Variants in TRAPPC11 observed in about 807,000 individuals in gnomAD.
TRAPPC11 encodes the protein trafficking protein particle complex subunit 11.
In TRAPPC11, 104 loss-of-function variants were observed where a neutral mutation model predicts 151.2. The observed-to-expected ratio is 0.69, with a 90% CI of 0.59 to 0.81. The LOEUF (loss-of-function observed/expected upper bound fraction) is 0.81. Ranked by LOEUF, TRAPPC11 falls within the 30% of genes least tolerant of loss-of-function variation. The pLI is 0.00. For missense variants in TRAPPC11, 1,230 were observed against 1,349.6 expected, an observed-to-expected ratio of 0.91 and a Z score of 1.39; for synonymous variants, 456 against 472.3, an observed-to-expected ratio of 0.97 and a Z score of 0.45.
At chr4:183,667,596 A>T (rs1385751528) in intron 4 of TRAPPC11, among the ~76,000 whole-genome samples, 1 of 152,218 alleles carries the variant, frequency 6.6e-6, no homozygotes, top group African/African-American at 2.4e-5. Context: ...TCTTAGTTTC[A>T]GATTCTTATT....
chr4:183,660,496 C>T (rs538438117), intron 1 of TRAPPC11, among the ~76,000 whole-genome samples: 175 of 152,230 alleles, frequency 1.1e-3, no homozygotes, highest in African/African-American at 4.1e-3. Flanking sequence ...ATTCCATCCA[C>T]GTTTTACTTT....
chr4:183,669,889 C>G (rs1014460652), intron 5 of TRAPPC11, among the ~76,000 whole-genome samples: 2 of 152,202 alleles, frequency 1.3e-5, no homozygotes, highest in Non-Finnish European at 1.5e-5. Context: ...CCCTTAACCA[C>G]TTGTAGTTTT....
At chr4:183,710,730 T>C (rs1460874751) in intron 29 of TRAPPC11, among the ~76,000 whole-genome samples, 1 of 151,818 alleles carries the variant, frequency 6.6e-6, no homozygotes, top group African/African-American at 2.4e-5. Context: ...AGGGAAAATT[T>C]ATAATTAAAA....
At chr4:183,688,845 A>C (rs1429556594) in intron 18 of TRAPPC11, among the ~76,000 whole-genome samples, 2 of 152,200 alleles carry the variant, frequency 1.3e-5, no homozygotes, top group East Asian at 1.9e-4. Flanking sequence ...TCCCAGGCTC[A>C]AGTGATCCTC....
At chr4:183,710,712 T>G (rs961281914) in intron 29 of TRAPPC11, among the ~76,000 whole-genome samples, 1 of 151,842 alleles carries the variant, frequency 6.6e-6, no homozygotes, top group Non-Finnish European at 1.5e-5. Flanking sequence ...GCCAGCTCTT[T>G]AATCAGTAGG....
chr4:183,685,440 A>ATAAGACAAT, intron 17 of TRAPPC11, 37 bp downstream of exon 17: 1 of 1,587,164 alleles, frequency 6.3e-7, no homozygotes, highest in Non-Finnish European at 8.6e-7. Context: ...TTTCAGAGAA[A>ATAAGACAAT]TTGTCTTATT....
intron 6 of TRAPPC11, 116 bp downstream of exon 6, chr4:183,674,928 GT>G (rs1342635142): frequency 3.0e-6 from 2 of 659,736 alleles, no homozygotes; most frequent in African/African-American, 1.9e-5. Flanking sequence ...CATTTCTAAA[GT>G]TTTTTTCAAT....
chr4:183,696,868 CA>C (rs1047043909), intron 23 of TRAPPC11, among the ~76,000 whole-genome samples: 1 of 152,104 alleles, frequency 6.6e-6, no homozygotes, highest in African/African-American at 2.4e-5. Flanking sequence ...TGTCACATTA[CA>C]TTATTATTAT....
At chr4:183,683,367 T>C (rs1303488302) in intron 11 of TRAPPC11, among the ~76,000 whole-genome samples, 1 of 152,144 alleles carries the variant, frequency 6.6e-6, no homozygotes, top group East Asian at 1.9e-4. Context: ...GAACTATAAC[T>C]GTTAAATTAC....
intron 26 of TRAPPC11, among the ~76,000 whole-genome samples, chr4:183,703,375 T>C (rs886416528): frequency 2.6e-5 from 4 of 152,250 alleles, no homozygotes; most frequent in African/African-American, 9.6e-5. Flanking sequence ...AATAAACTTG[T>C]CTTTCTTTTC....
intron 18 of TRAPPC11, among the ~76,000 whole-genome samples, chr4:183,690,012 G>A (rs974853054): frequency 6.6e-6 from 1 of 152,028 alleles, no homozygotes. Context: ...AGACCAGCCT[G>A]GCCAACATGG....
chr4:183,663,526 AC>A (rs1472917760), intron 1 of TRAPPC11, among the ~76,000 whole-genome samples: 38 of 151,902 alleles, frequency 2.5e-4, no homozygotes, highest in African/African-American at 8.7e-4. Flanking sequence ...AGTCACCACG[AC>A]CAACCAATTT....
chr4:183,679,603 G>C, intron 9 of TRAPPC11, 117 bp downstream of exon 9: 1 of 739,782 alleles, frequency 1.4e-6, no homozygotes, highest in Non-Finnish European at 2.1e-6. Context: ...GTAGGTTTTT[G>C]ATGATGTAGC....
At position 183,684,196 on chromosome 4, in the gene TRAPPC11, A is replaced by C. The variant is rs2111362921; in HGVS notation, c.1339A>C (p.Lys447Gln). Residue 447 changes from lysine to glutamine, a missense_variant, in exon 13 of 30, where the codon AAG becomes CAG. Coordinates refer to ENST00000334690, the MANE Select transcript of TRAPPC11 (RefSeq NM_021942.6). ...SNAVAQFKKY[K>Q]CPRMKSHLMV... ...TGCTGTTGCACAGTTCAAGAAGTAT[A>C]AGTGCCCGCGAATGAAAAGTCACCT... 2 of 1,614,104 alleles carry C rather than the reference A, an allele frequency of 1.2e-6. No homozygotes were observed. The highest frequency in any genetic ancestry group is 1.7e-6 in the Non-Finnish European group (2 of 1,179,968).
chr4:183,712,342 G>A (rs1300631903), intron 29 of TRAPPC11, among the ~76,000 whole-genome samples: 6 of 152,218 alleles, frequency 3.9e-5, no homozygotes, highest in African/African-American at 1.4e-4. Flanking sequence ...GGGTGGAAGT[G>A]CAGAGTCAGC....
At chr4:183,693,473 T>G in intron 20 of TRAPPC11, 116 bp from the exon 21 acceptor site, 1 of 1,160,506 alleles carries the variant, frequency 8.6e-7, no homozygotes, top group Non-Finnish European at 1.2e-6. Context: ...CCCAAAATGC[T>G]GGGATTACAG....
chr4:183,702,232 T>C (rs1209947709), intron 26 of TRAPPC11, among the ~76,000 whole-genome samples: 1 of 151,852 alleles, frequency 6.6e-6, no homozygotes, highest in Admixed American at 6.6e-5. Flanking sequence ...CAGTCCCAGC[T>C]ACTCAGGAGG....
chr4:183,697,608 T>A, intron 24 of TRAPPC11, 40 bp downstream of exon 24: 1 of 1,605,426 alleles, frequency 6.2e-7, no homozygotes, highest in Non-Finnish European at 8.5e-7. Flanking sequence ...ATTTAGGTTA[T>A]AAAAATGGAC....
intron 5 of TRAPPC11, among the ~76,000 whole-genome samples, chr4:183,673,406 G>T (rs1223432231): frequency 3.3e-5 from 5 of 152,196 alleles, no homozygotes; most frequent in Admixed American, 2.6e-4. Context: ...GGACATGAGG[G>T]TTTATGCCTG....
Sources: gnomAD v4.1 joint callset for allele counts (sites outside exome capture counted in the v4.1 genomes callset) on GRCh38, gnomAD v4.1.1 for gene constraint, MANE v1.5 for transcripts, NCBI Gene and HGNC (gene_info 2026-07-23, HGNC 2026-07-21) for gene names.